Variants in LRRC9 observed in about 807,000 individuals in gnomAD.
LRRC9 encodes the protein leucine rich repeat containing 9, also known as leucine-rich repeat-containing protein 9.
Under a neutral mutation model 63.2 loss-of-function variants are expected in LRRC9, and 122 were observed. The ratio of observed to expected loss-of-function variants is 1.93; its 90% CI spans 1.67 to 2.24. The LOEUF (loss-of-function observed/expected upper bound fraction) is 2.24, where lower values mean the gene tolerates loss of function less well. LRRC9 is among the 30% of genes most tolerant of loss of function. LRRC9 has a pLI of 0.00. For missense variants in LRRC9, 1,071 were observed against 627.7 expected, an observed-to-expected ratio of 1.71 and a Z score of -7.55; for synonymous variants, 366 against 213.1, an observed-to-expected ratio of 1.72 and a Z score of -6.25.
exon 9 of LRRC9, chr14:59,959,872 T>C: frequency 1.4e-6 from 1 of 696,834 alleles, no homozygotes; most frequent in Non-Finnish European, 2.6e-6. Flanking sequence ...CAGTGATGGA[T>C]CCAATAACAG....
chr14:59,988,895 T>A (rs1480163849), intron 17 of LRRC9, among the ~76,000 whole-genome samples: 1 of 152,178 alleles, frequency 6.6e-6, no homozygotes, highest in Non-Finnish European at 1.5e-5. Flanking sequence ...TCCTTTATAC[T>A]TGAAAGGTGG....
At chr14:60,005,614 T>C (rs1053603359) in intron 21 of LRRC9, among the ~76,000 whole-genome samples, 11 of 152,096 alleles carry the variant, frequency 7.2e-5, no homozygotes, top group African/African-American at 2.7e-4. Flanking sequence ...AGTCCCACAA[T>C]AGGAACTGAT....
At position 60,058,072 on chromosome 14, in the gene LRRC9, T is replaced by TA. The variant is rs1472190354; in HGVS notation, c.4276+55dup. 4 of 505,668 alleles carry TA rather than the reference T, an allele frequency of 7.9e-6. No homozygotes were observed. In the South Asian group the frequency reaches 1.0e-4, roughly 13 times the overall value. 31.3% of individuals were successfully genotyped at this position (505,668 alleles called of 1,614,324 possible). On this transcript the variant is annotated intron_variant, in intron 31 of 31. Transcript: ENST00000445360. This position sits in a 1 kb window ranked among gnomAD's most constrained non-coding sequence, Gnocchi z 4.4. ...TGTAAAAGAATCACTTAATTTGAAA[T>TA]AAAAATATCACTTTAATTTCTAATA... is the stretch of plus-strand genomic sequence containing the variant.
chr14:60,020,686 T>C (rs991927096), intron 26 of LRRC9, among the ~76,000 whole-genome samples: 4 of 151,974 alleles, frequency 2.6e-5, no homozygotes, highest in African/African-American at 7.2e-5. Context: ...TAGAATTGTA[T>C]TTTCTAGACA....
At chr14:60,064,517 C>T (rs147666052), downstream of LRRC9, among the ~76,000 whole-genome samples, 1 of 152,000 alleles carries the variant, frequency 6.6e-6, no homozygotes, top group Non-Finnish European at 1.5e-5. Context: ...TTGTATTTTT[C>T]TTTTTAAATG....
chr14:60,017,978 A>T lies in LRRC9; in HGVS notation c.3318-393A>T, dbSNP rs780703430. On this transcript the variant is annotated intron_variant, in intron 24 of 31. Coordinates refer to ENST00000445360, the Ensembl canonical transcript of LRRC9. This position sits in a 1 kb window ranked among gnomAD's most constrained non-coding sequence, Gnocchi z 4.0. Reference sequence around the variant, plus strand: ...GGTATTTCAGAAATGACCTACTTCAATATATATCATCTGAAGTTTATAACC... The same window carrying T: ...GGTATTTCAGAAATGACCTACTTCATTATATATCATCTGAAGTTTATAACC... Among the ~76,000 whole-genome samples the T allele has an allele frequency of 6.6e-6, 1 of 152,032 alleles. No homozygotes were observed. The highest frequency in any genetic ancestry group is 6.6e-5 in the Admixed American group (1 of 15,244).
intron 23 of LRRC9, among the ~76,000 whole-genome samples, chr14:60,015,130 T>C (rs929990179): frequency 7.9e-5 from 12 of 152,194 alleles, no homozygotes; most frequent in African/African-American, 2.7e-4. Context: ...TTTCATTTCA[T>C]TCTTCATATC....
intron 10 of LRRC9, among the ~76,000 whole-genome samples, chr14:59,961,587 A>G (rs1009254331): frequency 2.0e-5 from 3 of 152,148 alleles, no homozygotes; most frequent in African/African-American, 7.2e-5. Context: ...CGAACACTAC[A>G]TGTTAGCATA....
intron 30 of LRRC9, among the ~76,000 whole-genome samples, chr14:60,055,458 G>C (rs1267874060): frequency 6.6e-6 from 1 of 152,064 alleles, no homozygotes. Flanking sequence ...GTCACTTCTT[G>C]AAAAATGTAT....
rs1889561786 is a variant in LRRC9, at chr14:60,003,516, T to C, written c.2665-105T>C. 41 of 547,048 alleles carry C rather than the reference T, an allele frequency of 7.5e-5. 1 individual carries two copies. In the South Asian group the frequency reaches 1.0e-3, roughly 14 times the overall value. 33.9% of individuals were successfully genotyped at this position (547,048 alleles called of 1,614,324 possible). On this transcript the variant is annotated intron_variant, in intron 20 of 31. Coordinates refer to ENST00000445360, the Ensembl canonical transcript of LRRC9. This position sits in a 1 kb window ranked among gnomAD's most constrained non-coding sequence, Gnocchi z 4.2. ...AGCTCCTGAAGGAATTCTTTTGATATCTATTTATCACATTTGAATTATTTC... is the reference window on the plus strand; with the variant it reads ...AGCTCCTGAAGGAATTCTTTTGATACCTATTTATCACATTTGAATTATTTC...
chr14:60,037,177 C>T (rs993302672), intron 29 of LRRC9, among the ~76,000 whole-genome samples: 17 of 152,046 alleles, frequency 1.1e-4, no homozygotes, highest in East Asian at 1.9e-4. Context: ...GATGGACATT[C>T]GGGTTGGTTC....
At chr14:60,024,924 T>C (rs564016608) in intron 27 of LRRC9, among the ~76,000 whole-genome samples, 3 of 151,984 alleles carry the variant, frequency 2.0e-5, no homozygotes, top group Non-Finnish European at 4.4e-5. Context: ...CAGTATTTGA[T>C]TTTCTGTTTC....
At chr14:59,939,587 G>GT (rs1206317884) in intron 7 of LRRC9, among the ~76,000 whole-genome samples, 1 of 152,004 alleles carries the variant, frequency 6.6e-6, no homozygotes, top group African/African-American at 2.4e-5. Flanking sequence ...AGAGAAAGTG[G>GT]TAAGAAGTCA....
rs118058664 is a variant in LRRC9 at position 59,920,516 on chromosome 14, A to G, written c.-34+633A>G. Among the ~76,000 whole-genome samples, 135 of 152,320 alleles carry G rather than the reference A, an allele frequency of 8.9e-4. 3 individuals are homozygous for G. In the East Asian group the frequency reaches 0.022, roughly 25 times the overall value. ...AAGGGAGGGTGGCCTACAGCCAACT[A>G]TGCAGATTTTACTGCACCAATTAAG... is the stretch of plus-strand genomic sequence containing the variant. On this transcript the variant is annotated intron_variant, in intron 1 of 31. Transcript: ENST00000445360.
At chr14:59,954,024 C>A (rs897886023) in intron 8 of LRRC9, among the ~76,000 whole-genome samples, 7 of 152,166 alleles carry the variant, frequency 4.6e-5, no homozygotes, top group Non-Finnish European at 8.8e-5. Flanking sequence ...GTCTATATAT[C>A]CATTTTGGTA....
At chr14:59,946,032 G>C (rs1882337557) in intron 8 of LRRC9, among the ~76,000 whole-genome samples, 1 of 151,236 alleles carries the variant, frequency 6.6e-6, no homozygotes. Context: ...TTTTGACCCA[G>C]TAAATCTACT....
Position 59,986,920 on chromosome 14 carries a change from A to G in LRRC9, c.2211+1696A>G, listed in dbSNP as rs1887529589. ...AGGTGGCTAGCTATAGACCTTTCAA[A>G]TGTCAAGTCTCTAAAAATGACTCTA... is the stretch of plus-strand genomic sequence containing the variant. On this transcript the variant is annotated intron_variant, in intron 17 of 31. Coordinates refer to ENST00000445360, the Ensembl canonical transcript of LRRC9. This position sits in a 1 kb window ranked among gnomAD's most constrained non-coding sequence, Gnocchi z 4.7. 6.6e-6 allele frequency among the ~76,000 whole-genome samples: 1 copy of G among 152,162 alleles called. No individual in the cohort carries two copies. Among genetic ancestry groups the G allele is most frequent in the Non-Finnish European group, 1.5e-5 (1 of 68,018 alleles).
chr14:59,924,459 G>A (rs1889037211), intron 1 of LRRC9, among the ~76,000 whole-genome samples: 1 of 152,118 alleles, frequency 6.6e-6, no homozygotes, highest in African/African-American at 2.4e-5. Context: ...TTGCCAATGG[G>A]AAGCAGGGAA....
At chr14:60,064,778 C>T (rs1894841826), downstream of LRRC9, among the ~76,000 whole-genome samples, 1 of 152,092 alleles carries the variant, frequency 6.6e-6, no homozygotes, top group African/African-American at 2.4e-5. Context: ...AAATTGGCAT[C>T]ATCTTCTTTT....
Sources: gnomAD v4.1 joint callset for allele counts (sites outside exome capture counted in the v4.1 genomes callset) on GRCh38, gnomAD v4.1.1 for gene constraint, Gnocchi (gnomAD v3.1) non-coding constraint, MANE v1.5 for transcripts, NCBI Gene and HGNC (gene_info 2026-07-23, HGNC 2026-07-21) for gene names.